The following PARG variants were observed in gnomAD, a reference collection of about 807,000 sequenced individuals.
PARG encodes the protein mitochondrial poly(ADP-ribose) glycohydrolase.
PARG carries 35 observed loss-of-function variants against 113.0 expected under a neutral mutation model. The observed-to-expected ratio is 0.31, with a 90% CI of 0.24 to 0.41. The LOEUF is 0.41. Among genes scored for constraint, PARG ranks in the 10% least tolerant of loss-of-function variants. The probability of loss-of-function intolerance (pLI) is 1.00; values close to 1 mark genes in which losing one functional copy is unlikely to be tolerated. For synonymous variants in PARG, 330 were observed against 409.9 expected (o/e 0.81, Z 2.36); for missense variants, 797 against 1,169.4 (o/e 0.68, Z 4.64).
At chr10:49,941,378 C>G in intron 1 of PARG, 131 bp downstream of exon 1, 1 of 815,762 alleles carries the variant, frequency 1.2e-6, no homozygotes, top group Non-Finnish European at 2.1e-6. Flanking sequence ...TTTGGTAGCT[C>G]AGCAAGTGGA....
chr10:49,821,458 C>A (rs1368969751), intron 16 of PARG, among the ~76,000 whole-genome samples: 1 of 152,154 alleles, frequency 6.6e-6, no homozygotes, highest in African/African-American at 2.4e-5. Flanking sequence ...CAGCTCACTG[C>A]AACCTCTGCC....
chr10:49,934,172 G>T lies in PARG; in HGVS notation c.285-9C>A. ...TTTCTTTACTATCCAAACTACAAGA[G>T]AACAGAAAGAACTAAAAACAACTTA... On this transcript the variant is annotated splice_polypyrimidine_tract_variant and intron_variant, in intron 2 of 17. Coordinates refer to ENST00000616448, the MANE Select transcript of PARG (RefSeq NM_003631.5). 4.2e-6 allele frequency: 4 copies of T among 946,984 alleles called. No homozygotes were observed. Among genetic ancestry groups the T allele is most frequent in the South Asian group, 1.4e-5 (1 of 73,922 alleles). The allele number at this position is 946,984 out of a possible 1,614,324, so 58.7% of individuals were successfully genotyped here.
At chr10:49,891,623 ATTTTTTTTTTT>A (rs1160158066) in intron 7 of PARG, among the ~76,000 whole-genome samples, 3 of 47,438 alleles carry the variant, frequency 6.3e-5, no homozygotes, top group African/African-American at 3.1e-4. Flanking sequence ...ATATATATAT[ATTTTTTTTTTT>A]TTTTTTTTTT....
chr10:49,903,126 CA>C (rs1423564787), intron 7 of PARG, among the ~76,000 whole-genome samples: 2 of 151,352 alleles, frequency 1.3e-5, no homozygotes, highest in Non-Finnish European at 2.9e-5. Flanking sequence ...CATGCCCGGC[CA>C]AAAAAAATTT....
At chr10:49,887,690 T>G (rs2132664484) in intron 7 of PARG, among the ~76,000 whole-genome samples, 1 of 152,256 alleles carries the variant, frequency 6.6e-6, no homozygotes, top group East Asian at 1.9e-4. Flanking sequence ...TTCCATGGTT[T>G]GTTTAGCAAT....
chr10:49,893,689 CT>C (rs1328865844), intron 7 of PARG, among the ~76,000 whole-genome samples: 92 of 143,046 alleles, frequency 6.4e-4, no homozygotes, highest in Middle Eastern at 3.5e-3. Context: ...TAATTTTTGA[CT>C]TTTTTTTTTT....
In PARG at chr10:49,819,334, G is replaced by A. The variant is rs557191952; in HGVS notation, c.*6C>T. 1.4e-5 allele frequency: 21 copies of A among 1,548,210 alleles called. No homozygotes were observed. Among genetic ancestry groups the A allele is most frequent in the Middle Eastern group, 1.7e-4 (1 of 5,942 alleles). ...AGGTGGGAGGAGATGCTATTCGCTCGGCTCCTCAGGTCCCTGTCCTTTGCC... is the reference window on the plus strand; with the variant it reads ...AGGTGGGAGGAGATGCTATTCGCTCAGCTCCTCAGGTCCCTGTCCTTTGCC... On this transcript the variant is annotated 3_prime_UTR_variant, in exon 18 of 18. Transcript: ENST00000616448.
chr10:49,917,578 C>T (rs1554848025), intron 6 of PARG, among the ~76,000 whole-genome samples: 2 of 151,166 alleles, frequency 1.3e-5, no homozygotes, highest in Non-Finnish European at 2.9e-5. Flanking sequence ...TAGCACACTC[C>T]GGGAGGCCGA....
intron 13 of PARG, among the ~76,000 whole-genome samples, chr10:49,853,200 A>AT (rs558529460): frequency 8.7e-5 from 13 of 149,702 alleles, no homozygotes; most frequent in African/African-American, 2.2e-4. Flanking sequence ...GGCCCAGCTA[A>AT]TTTTTTTTTG....
chr10:49,894,698 T>TG (rs1847989150), intron 7 of PARG, among the ~76,000 whole-genome samples: 1 of 152,256 alleles, frequency 6.6e-6, no homozygotes. Context: ...AACATGGGTC[T>TG]GTTTCTGGGT....
intron 7 of PARG, among the ~76,000 whole-genome samples, chr10:49,914,993 C>T (rs1837389480): frequency 6.6e-6 from 1 of 151,928 alleles, no homozygotes; most frequent in Non-Finnish European, 1.5e-5. Flanking sequence ...ACATCATATA[C>T]AAAAATTAAC....
intron 7 of PARG, among the ~76,000 whole-genome samples, chr10:49,889,492 G>C (rs1323735688): frequency 3.9e-5 from 6 of 152,128 alleles, no homozygotes; most frequent in African/African-American, 1.4e-4. Flanking sequence ...CTCCCCACTA[G>C]GTCTTTACTG....
chr10:49,819,723 C>G (rs1472225116), intron 17 of PARG, among the ~76,000 whole-genome samples: 1 of 152,156 alleles, frequency 6.6e-6, no homozygotes, highest in Non-Finnish European at 1.5e-5. Context: ...AACAGGCTAT[C>G]CATGGTACAC....
chr10:49,928,781 A>G (rs1838344991), intron 4 of PARG, among the ~76,000 whole-genome samples: 1 of 152,220 alleles, frequency 6.6e-6, no homozygotes, highest in Non-Finnish European at 1.5e-5. Flanking sequence ...CTGGGATTAC[A>G]GGTGTGAGCT....
At chr10:49,905,233 C>A (rs1172287571) in intron 7 of PARG, among the ~76,000 whole-genome samples, 3,479 of 144,274 alleles carry the variant, frequency 0.024, no homozygotes, top group Non-Finnish European at 0.036. Context: ...TAAGTAGGAG[C>A]AGACTGATAG....
chr10:49,844,037 A>AG (rs1310876559), intron 13 of PARG, among the ~76,000 whole-genome samples: 1 of 151,706 alleles, frequency 6.6e-6, no homozygotes, highest in Non-Finnish European at 1.5e-5. Context: ...CCCAGCTACT[A>AG]GGGGGGCTGA....
intron 7 of PARG, among the ~76,000 whole-genome samples, chr10:49,897,063 T>G (rs1305318343): frequency 6.6e-6 from 1 of 152,166 alleles, no homozygotes; most frequent in Non-Finnish European, 1.5e-5. Context: ...ATAGCATACT[T>G]GAGCCCCTTT....
intron 6 of PARG, among the ~76,000 whole-genome samples, chr10:49,920,461 A>ATAT (rs1554848881): frequency 7.9e-4 from 38 of 48,192 alleles, no homozygotes; most frequent in South Asian, 2.6e-3. Flanking sequence ...TAAAAAAAAA[A>ATAT]AAATATATAT....
At position 49,941,629 on chromosome 10, in the gene PARG, T is replaced by C; in HGVS notation, c.97A>G (p.Ser33Gly). ...GGGTCGAGGACGCGCCTCTGCCTGC[T>C]GGGAAAGCTCCGGGCGTCCGAAGCA... ...PAASDARSFP[S>G]RQRRVLDPKD... Residue 33 changes from serine to glycine, a missense_variant, in exon 1 of 18, where the codon AGC becomes GGC. Transcript: ENST00000616448. The C allele has an allele frequency of 1.9e-6, 3 of 1,595,922 alleles. No homozygotes were observed. Among genetic ancestry groups the C allele is most frequent in the Admixed American group, 1.7e-5 (1 of 58,430 alleles).
Sources: gnomAD v4.1 joint callset for allele counts (sites outside exome capture counted in the v4.1 genomes callset) on GRCh38, gnomAD v4.1.1 for gene constraint, MANE v1.5 for transcripts, NCBI Gene and HGNC (gene_info 2026-07-23, HGNC 2026-07-21) for gene names.